PLPP4: variants seen among roughly 807,000 people sequenced by gnomAD.
PLPP4 encodes the protein diacylglycerol pyrophosphate like 2.
Under a neutral mutation model 32.2 loss-of-function variants are expected in PLPP4, and 20 were observed. The observed-to-expected ratio is 0.62, with a 90% confidence interval of 0.44 to 0.90. The LOEUF is 0.90. Ranked by LOEUF, PLPP4 falls within the 40% of genes least tolerant of loss-of-function variation. The probability of loss-of-function intolerance (pLI) is 0.00; values close to 1 mark genes in which losing one functional copy is unlikely to be tolerated. For missense variants in PLPP4, 257 were observed against 353.1 expected (o/e 0.73, Z 2.18); for synonymous variants, 127 against 133.0 (o/e 0.95, Z 0.31).
At chr10:120,476,599 C>T (rs1256572236) in intron 1 of PLPP4, among the ~76,000 whole-genome samples, 1 of 152,176 alleles carries the variant, frequency 6.6e-6, no homozygotes, top group Non-Finnish European at 1.5e-5. Flanking sequence ...CACATACTGG[C>T]CCGCCCACTG....
intron 1 of PLPP4, among the ~76,000 whole-genome samples, chr10:120,469,523 G>A (rs549801989): frequency 8.5e-5 from 13 of 152,188 alleles, no homozygotes; most frequent in East Asian, 3.9e-4. Context: ...CACCGTGCCC[G>A]GCCGCAACTA....
chr10:120,525,190 A>T (rs1274718064), intron 5 of PLPP4, among the ~76,000 whole-genome samples: 1 of 152,186 alleles, frequency 6.6e-6, no homozygotes, highest in Non-Finnish European at 1.5e-5. Flanking sequence ...TAGAAGAGAA[A>T]CATGGCCCAC....
At chr10:120,528,133 G>T (rs1350962602) in intron 5 of PLPP4, among the ~76,000 whole-genome samples, 1 of 134,562 alleles carries the variant, frequency 7.4e-6, no homozygotes, top group Non-Finnish European at 1.5e-5. Flanking sequence ...GGAGTGCAGC[G>T]GCGCGATCTC....
chr10:120,497,103 T>A (rs1253750453), intron 1 of PLPP4, among the ~76,000 whole-genome samples: 1 of 151,956 alleles, frequency 6.6e-6, no homozygotes, highest in African/African-American at 2.4e-5. Flanking sequence ...CACGTGTGCC[T>A]CTGGAATTGC....
In PLPP4 at chr10:120,591,586, A is replaced by T. The variant is rs149739329; in HGVS notation, c.*2084A>T. 5.3e-5 allele frequency among the ~76,000 whole-genome samples: 8 copies of T among 150,952 alleles called. 1 individual carries two copies. The highest frequency in any genetic ancestry group is 1.9e-4 in the African/African-American group (8 of 41,096). Reference sequence around the variant, plus strand: ...TTTTCAAAAATAAAGCCCAAAATAGAAATGTAGGAAAAAGATCCTTTGCTA... The same window carrying T: ...TTTTCAAAAATAAAGCCCAAAATAGTAATGTAGGAAAAAGATCCTTTGCTA... On this transcript the variant is annotated 3_prime_UTR_variant, in exon 7 of 7. Transcript: ENST00000398250.
chr10:120,492,998 A>G (rs1344577546), intron 1 of PLPP4, among the ~76,000 whole-genome samples: 1 of 152,178 alleles, frequency 6.6e-6, no homozygotes, highest in Non-Finnish European at 1.5e-5. Context: ...TGCTTCTCCT[A>G]CAAAGAGGGC....
intron 2 of PLPP4, among the ~76,000 whole-genome samples, chr10:120,512,387 T>G (rs1845764602): frequency 6.6e-6 from 1 of 152,212 alleles, no homozygotes; most frequent in South Asian, 2.1e-4. Context: ...TCCAAGTCAT[T>G]CAGGGCCACA....
intron 5 of PLPP4, among the ~76,000 whole-genome samples, chr10:120,522,425 T>A (rs1448675563): frequency 6.6e-6 from 1 of 152,160 alleles, no homozygotes; most frequent in Non-Finnish European, 1.5e-5. Flanking sequence ...GTTTTACACA[T>A]AAGGGCACTG....
chr10:120,485,587 G>A (rs77262187), intron 1 of PLPP4, among the ~76,000 whole-genome samples: 8,432 of 152,286 alleles, frequency 0.055, 283 homozygotes, highest in Middle Eastern at 0.15. Context: ...GGGTTCATAA[G>A]TGGAACTCAA....
At chr10:120,477,682 C>G (rs1433705311) in intron 1 of PLPP4, among the ~76,000 whole-genome samples, 2 of 152,146 alleles carry the variant, frequency 1.3e-5, no homozygotes, top group African/African-American at 4.8e-5. Flanking sequence ...AAGCATTTGC[C>G]CCTCTCTACA....
At chr10:120,555,478 C>A (rs1031855099) in intron 5 of PLPP4, among the ~76,000 whole-genome samples, 3 of 152,120 alleles carry the variant, frequency 2.0e-5, no homozygotes, top group Non-Finnish European at 4.4e-5. Flanking sequence ...GAAATGAGAC[C>A]GGGGTCTCTG....
chr10:120,528,073 T>G (rs868480049), intron 5 of PLPP4, among the ~76,000 whole-genome samples: 2 of 130,134 alleles, frequency 1.5e-5, no homozygotes, highest in Admixed American at 7.5e-5. Flanking sequence ...CTCTCCGTTT[T>G]TTTTTTTTTT....
chr10:120,480,163 G>C lies in PLPP4; in HGVS notation c.56+22802G>C, dbSNP rs560461483. ...CTTTTTGATTACTGGCTGGTTCTTA[G>C]AGAGGGACAGTTTTGACGGTTGAGT... On this transcript the variant is annotated intron_variant, in intron 1 of 6. Coordinates refer to ENST00000398250, the MANE Select transcript of PLPP4 (RefSeq NM_001030059.3). Among the ~76,000 whole-genome samples, 3 of 152,318 alleles carry C rather than the reference G, an allele frequency of 2.0e-5. No individual in the cohort carries two copies. The East Asian group carries it at 5.8e-4, about 29-fold the overall frequency.
intron 1 of PLPP4, among the ~76,000 whole-genome samples, chr10:120,481,926 A>G (rs1367157020): frequency 6.6e-6 from 1 of 152,176 alleles, no homozygotes; most frequent in African/African-American, 2.4e-5. Context: ...TGATGGTTCT[A>G]TAAGGGGGGG....
At chr10:120,530,889 T>C (rs1846675433) in intron 5 of PLPP4, among the ~76,000 whole-genome samples, 1 of 152,158 alleles carries the variant, frequency 6.6e-6, no homozygotes, top group Non-Finnish European at 1.5e-5. Context: ...TAATTTGCAT[T>C]TCCCTGATGA....
rs1849946929 is a variant in PLPP4 at position 120,590,054 on chromosome 10, G to A, written c.*552G>A. Among the ~76,000 whole-genome samples the A allele has an allele frequency of 6.6e-6, 1 of 152,252 alleles. No homozygotes were observed. Among genetic ancestry groups the A allele is most frequent in the Non-Finnish European group, 1.5e-5 (1 of 68,014 alleles). On this transcript the variant is annotated 3_prime_UTR_variant, in exon 7 of 7. Transcript: ENST00000398250. The stretch of plus-strand genomic sequence containing the variant: ...GAGTGACAGCTTGAGCATTTCCAGG[G>A]CTTTTGAATCATTGAATCTGGAAGC...
At chr10:120,472,130 A>T (rs1038092370) in intron 1 of PLPP4, among the ~76,000 whole-genome samples, 3 of 152,114 alleles carry the variant, frequency 2.0e-5, no homozygotes, top group Non-Finnish European at 2.9e-5. Flanking sequence ...TTTCACAGAA[A>T]TTAAGATTTT....
At chr10:120,563,762 T>TCC (rs1848548165) in intron 5 of PLPP4, among the ~76,000 whole-genome samples, 1 of 106,020 alleles carries the variant, frequency 9.4e-6, no homozygotes, top group Non-Finnish European at 1.9e-5. Flanking sequence ...ATTGCGCCAC[T>TCC]GCAGTCCGCA....
At chr10:120,574,224 A>G (rs1394667666) in intron 5 of PLPP4, among the ~76,000 whole-genome samples, 1 of 54,404 alleles carries the variant, frequency 1.8e-5, no homozygotes, top group Non-Finnish European at 4.3e-5. Flanking sequence ...TCTCTCTCTC[A>G]GCTCCCTCCA....
Sources: gnomAD v4.1 joint callset for allele counts (sites outside exome capture counted in the v4.1 genomes callset) on GRCh38, gnomAD v4.1.1 for gene constraint, MANE v1.5 for transcripts, NCBI Gene and HGNC (gene_info 2026-07-23, HGNC 2026-07-21) for gene names.